The following EPM2A variants were observed in gnomAD, a reference collection of about 807,000 sequenced individuals.
The protein encoded by EPM2A is EPM2A glucan phosphatase, laforin.
Under a neutral mutation model 26.5 loss-of-function variants are expected in EPM2A, and 21 were observed. The ratio of observed to expected loss-of-function variants is 0.79; its 90% CI spans 0.56 to 1.14. EPM2A has a LOEUF of 1.14. Ranked by LOEUF, EPM2A falls within the 50% of genes most tolerant of loss-of-function variation. EPM2A has a pLI of 0.00. For synonymous variants in EPM2A, 217 were observed against 177.6 expected, an observed-to-expected ratio of 1.22 and a Z score of -1.76; for missense variants, 458 against 440.8, an observed-to-expected ratio of 1.04 and a Z score of -0.35.
At chr6:145,618,749 T>C (rs929091776) in intron 2 of EPM2A, among the ~76,000 whole-genome samples, 6 of 152,242 alleles carry the variant, frequency 3.9e-5, no homozygotes. Flanking sequence ...CTCAGGTATG[T>C]CTTTATTAGC....
intron 2 of EPM2A, among the ~76,000 whole-genome samples, chr6:145,668,337 T>G (rs556160756): frequency 6.6e-6 from 1 of 152,158 alleles, no homozygotes; most frequent in East Asian, 1.9e-4. Flanking sequence ...TGAGGTGAGT[T>G]AAACTACAAG....
chr6:145,635,192 A>C lies in EPM2A; in HGVS notation c.718+53T>G. ...TTAAATTATAGATAGACAGACAGAC[A>C]GCAAGGGTTTCTCTGAAATACAGCA... On this transcript the variant is annotated intron_variant, in intron 3 of 3. Transcript: ENST00000367519. 3 of 1,607,428 alleles carry C rather than the reference A, an allele frequency of 1.9e-6. No individual in the cohort carries two copies. The South Asian group carries it at 3.3e-5, about 18-fold the overall frequency.
intron 2 of EPM2A, chr6:145,682,688 C>A (rs1470046508): frequency 6.6e-6 from 1 of 152,108 alleles, no homozygotes; most frequent in African/African-American, 2.4e-5. Flanking sequence ...ACAATTCTTA[C>A]TGAATAAATG....
rs1779587851 is a variant in EPM2A, at chr6:145,479,558, A to G, written c.555+22964T>C. Among the ~76,000 whole-genome samples the G allele has an allele frequency of 2.0e-5, 3 of 151,934 alleles. No homozygotes were observed. In the South Asian group the frequency reaches 6.2e-4, roughly 31 times the overall value. ...CTTTTGTGATAGACTTATTTCACTTAGTACAATGTTTTCAAGTTTCATCCA... is the reference window on the plus strand; with the variant it reads ...CTTTTGTGATAGACTTATTTCACTTGGTACAATGTTTTCAAGTTTCATCCA... On this transcript the variant is annotated intron_variant, in intron 4 of 4. Coordinates refer to the EPM2A transcript ENST00000638717.
chr6:145,718,006 G>A (rs1208928740), intron 1 of EPM2A, among the ~76,000 whole-genome samples: 1 of 151,122 alleles, frequency 6.6e-6, no homozygotes, highest in Non-Finnish European at 1.5e-5. Flanking sequence ...ATGCTCATGG[G>A]TAGGAAGAAT....
chr6:145,445,475 G>A (rs1779118057), intron 4 of EPM2A, among the ~76,000 whole-genome samples: 2 of 152,104 alleles, frequency 1.3e-5, no homozygotes, highest in Admixed American at 6.5e-5. Context: ...GAGAATCTAG[G>A]CTATAATTTT....
intron 2 of EPM2A, chr6:145,639,094 T>C (rs1332856916): frequency 6.6e-6 from 1 of 152,192 alleles, no homozygotes; most frequent in African/African-American, 2.4e-5. Flanking sequence ...ATAAAAATTC[T>C]CTGTAAGAGT....
At chr6:145,728,601 A>G (rs1776329804) in intron 1 of EPM2A, among the ~76,000 whole-genome samples, 1 of 152,222 alleles carries the variant, frequency 6.6e-6, no homozygotes, top group South Asian at 2.1e-4. Context: ...CAAAGCATTC[A>G]AGGTGTGGTC....
At position 145,673,959 on chromosome 6, in the gene EPM2A, G is replaced by A. The variant is rs1443805774; in HGVS notation, c.476+12163C>T. Among the ~76,000 whole-genome samples the A allele has an allele frequency of 7.9e-5, 12 of 152,328 alleles. No individual in the cohort carries two copies. In the East Asian group the frequency reaches 2.3e-3, roughly 29 times the overall value. On this transcript the variant is annotated intron_variant, in intron 2 of 3. Coordinates refer to ENST00000367519, the MANE Select transcript of EPM2A (RefSeq NM_005670.4). ...CAGCAGTGGTTCTCCCAGCATTTGA[G>A]CACTGAGAACAAAGAGACTGCCTCC...
chr6:145,573,721 T>A (rs2114827761), intron 2 of EPM2A, among the ~76,000 whole-genome samples: 1 of 152,330 alleles, frequency 6.6e-6, no homozygotes, highest in South Asian at 2.1e-4. Flanking sequence ...AGGGAGCCAA[T>A]GTGGGGGTTC....
chr6:145,610,149 G>A (rs1775362228), intron 2 of EPM2A, among the ~76,000 whole-genome samples: 1 of 151,868 alleles, frequency 6.6e-6, no homozygotes, highest in East Asian at 1.9e-4. Context: ...GGGAGGAGGA[G>A]GTTGCAGTGA....
At chr6:145,518,592 C>A (rs1780160556) in intron 2 of EPM2A, among the ~76,000 whole-genome samples, 5 of 68,574 alleles carry the variant, frequency 7.3e-5, no homozygotes, top group Non-Finnish European at 5.1e-5. Flanking sequence ...GTGTGAAATG[C>A]ACCAAAAAAA....
At chr6:145,388,041 A>G (rs973460579) in intron 4 of EPM2A, among the ~76,000 whole-genome samples, 39 of 152,218 alleles carry the variant, frequency 2.6e-4, no homozygotes, top group African/African-American at 9.4e-4. Flanking sequence ...CGTGATCATA[A>G]GATCTGTGCA....
At chr6:145,723,098 ATTAT>A (rs1285635305) in intron 1 of EPM2A, among the ~76,000 whole-genome samples, 7 of 152,296 alleles carry the variant, frequency 4.6e-5, no homozygotes, top group South Asian at 2.1e-4. Context: ...ATTATAATAG[ATTAT>A]TTAAGGATTC....
chr6:145,719,408 T>A (rs570109357), intron 1 of EPM2A, among the ~76,000 whole-genome samples: 12 of 143,704 alleles, frequency 8.4e-5, no homozygotes, highest in Non-Finnish European at 1.5e-4. Flanking sequence ...CACTCATAGG[T>A]GGAAATTGAA....
intron 4 of EPM2A, among the ~76,000 whole-genome samples, chr6:145,390,655 C>T (rs1778325637): frequency 6.6e-6 from 1 of 151,972 alleles, no homozygotes; most frequent in African/African-American, 2.4e-5. Context: ...CTCTCTTATT[C>T]TCTGGCTTTT....
intron 4 of EPM2A, among the ~76,000 whole-genome samples, chr6:145,452,184 T>C (rs1779203407): frequency 6.6e-6 from 1 of 152,186 alleles, no homozygotes; most frequent in Non-Finnish European, 1.5e-5. Flanking sequence ...GCTAAAACTA[T>C]ATTCCTGCAA....
intron 4 of EPM2A, among the ~76,000 whole-genome samples, chr6:145,407,563 G>A (rs1463134415): frequency 1.3e-5 from 2 of 152,122 alleles, no homozygotes; most frequent in Non-Finnish European, 2.9e-5. Flanking sequence ...CTATAATTGT[G>A]AGGAGTTTTC....
chr6:145,686,656 A>ATGCC (rs768149828), intron 1 of EPM2A, among the ~76,000 whole-genome samples: 3,428 of 152,266 alleles, frequency 0.023, 46 homozygotes, highest in Admixed American at 0.031. Context: ...CCTGTATTAT[A>ATGCC]CACTTCTATC....
Sources: gnomAD v4.1 joint callset for allele counts (sites outside exome capture counted in the v4.1 genomes callset) on GRCh38, gnomAD v4.1.1 for gene constraint, MANE v1.5 for transcripts, NCBI Gene and HGNC (gene_info 2026-07-23, HGNC 2026-07-21) for gene names.